The following HSD17B12 variants were observed in gnomAD, a reference collection of about 807,000 sequenced individuals.
The protein encoded by HSD17B12 is hydroxysteroid 17-beta dehydrogenase 12.
HSD17B12 carries 32 observed loss-of-function variants against 39.3 expected under a neutral mutation model. The ratio of observed to expected loss-of-function variants is 0.81; its 90% confidence interval spans 0.61 to 1.09. The LOEUF (loss-of-function observed/expected upper bound fraction) is 1.09, where lower values mean the gene tolerates loss of function less well. HSD17B12 is among the 50% of genes least tolerant of loss of function. The pLI, the probability that HSD17B12 is intolerant of heterozygous loss-of-function variation, is 0.00. For missense variants in HSD17B12, 342 were observed against 382.9 expected, an observed-to-expected ratio of 0.89 and a Z score of 0.89; for synonymous variants, 150 against 146.7, an observed-to-expected ratio of 1.02 and a Z score of -0.16.
At chr11:43,752,107 A>C (rs903273746) in intron 2 of HSD17B12, among the ~76,000 whole-genome samples, 1 of 152,080 alleles carries the variant, frequency 6.6e-6, no homozygotes, top group Non-Finnish European at 1.5e-5. Flanking sequence ...TAAGAATGCC[A>C]TTTTTGAAAA....
intron 7 of HSD17B12, among the ~76,000 whole-genome samples, chr11:43,837,111 TGA>T (rs763623307): frequency 3.3e-5 from 5 of 152,176 alleles, no homozygotes; most frequent in Non-Finnish European, 5.9e-5. Context: ...CACTTCCCTT[TGA>T]TGGTTGAAGT....
chr11:43,817,021 T>G (rs1330115204), intron 6 of HSD17B12, among the ~76,000 whole-genome samples: 7 of 24,646 alleles, frequency 2.8e-4, no homozygotes, highest in African/African-American at 8.2e-4. Context: ...TATATCTATA[T>G]CTATATCTAT....
intron 9 of HSD17B12, 41 bp downstream of exon 9, chr11:43,840,105 G>A: frequency 6.5e-7 from 1 of 1,538,300 alleles, no homozygotes; most frequent in Non-Finnish European, 8.9e-7. Flanking sequence ...CTGTTTTTGT[G>A]TGGTTTCCAG....
chr11:43,690,116 G>A (rs1031517582), intron 1 of HSD17B12, among the ~76,000 whole-genome samples: 7 of 151,146 alleles, frequency 4.6e-5, no homozygotes, highest in African/African-American at 1.5e-4. Context: ...ACTCACAGTC[G>A]TTTCTCCCTC....
chr11:43,823,906 T>C (rs1951207268), intron 6 of HSD17B12, among the ~76,000 whole-genome samples: 1 of 152,172 alleles, frequency 6.6e-6, no homozygotes, highest in Non-Finnish European at 1.5e-5. Flanking sequence ...AATGTCCTAA[T>C]CTTTGAATCT....
chr11:43,802,453 A>G (rs964710156), intron 4 of HSD17B12, among the ~76,000 whole-genome samples: 3 of 152,138 alleles, frequency 2.0e-5, no homozygotes, highest in African/African-American at 7.2e-5. Flanking sequence ...GCATATCTCA[A>G]TTCAGACTAG....
rs1046901731 is a variant in HSD17B12, at chr11:43,681,007, G to T, written c.160+20G>T. 9.6e-6 allele frequency: 15 copies of T among 1,569,364 alleles called. No individual in the cohort carries two copies. Among genetic ancestry groups the T allele is most frequent in the Non-Finnish European group, 1.2e-5 (14 of 1,154,780 alleles). ...GGGCAGGTGAGTCGGATGCAGCGCCGCGTCCTCGCTCCCGCGGCGGCCCGG... is the reference window on the plus strand; with the variant it reads ...GGGCAGGTGAGTCGGATGCAGCGCCTCGTCCTCGCTCCCGCGGCGGCCCGG... On this transcript the variant is annotated intron_variant, in intron 1 of 10. Coordinates refer to ENST00000278353, the MANE Select transcript of HSD17B12 (RefSeq NM_016142.3).
At chr11:43,599,106 C>T in the HSD17B12 span, among the ~76,000 whole-genome samples, 1 of 152,190 alleles carries the variant, frequency 6.6e-6, no homozygotes, top group African/African-American at 2.4e-5. Flanking sequence ...ATCTGCTCAA[C>T]GATCTATCCA....
chr11:43,574,804 G>C, the HSD17B12 span, among the ~76,000 whole-genome samples: 1 of 152,162 alleles, frequency 6.6e-6, no homozygotes, highest in Non-Finnish European at 1.5e-5. Flanking sequence ...AAGGGTAAAC[G>C]TCACCTCGCC....
intron 6 of HSD17B12, among the ~76,000 whole-genome samples, chr11:43,827,923 G>T (rs1295644661): frequency 6.6e-6 from 1 of 152,028 alleles, no homozygotes; most frequent in African/African-American, 2.4e-5. Flanking sequence ...TGGCTAGCTT[G>T]CATATAAAGT....
chr11:43,842,973 G>C (rs1246434270), intron 9 of HSD17B12, among the ~76,000 whole-genome samples: 1 of 152,146 alleles, frequency 6.6e-6, no homozygotes, highest in African/African-American at 2.4e-5. Flanking sequence ...TTTCCACCTA[G>C]TAATCTGGTG....
At chr11:43,560,019 A>T in the HSD17B12 span, among the ~76,000 whole-genome samples, 1 of 152,208 alleles carries the variant, frequency 6.6e-6, no homozygotes, top group Non-Finnish European at 1.5e-5. Context: ...TAGAATCGTC[A>T]TGGTGGTTTT....
At chr11:43,672,199 C>A in the HSD17B12 span, among the ~76,000 whole-genome samples, 1 of 152,304 alleles carries the variant, frequency 6.6e-6, no homozygotes, top group South Asian at 2.1e-4. Context: ...CAGGCGCCCG[C>A]CACCACGCCC....
the HSD17B12 span, among the ~76,000 whole-genome samples, chr11:43,612,623 C>A: frequency 2.6e-5 from 4 of 152,182 alleles, no homozygotes; most frequent in Non-Finnish European, 5.9e-5. Context: ...CCAGGCTGGT[C>A]TCTAACTCCT....
chr11:43,602,191 A>C, the HSD17B12 span, among the ~76,000 whole-genome samples: 1 of 152,180 alleles, frequency 6.6e-6, no homozygotes, highest in Non-Finnish European at 1.5e-5. Context: ...ACAGTTTAAA[A>C]TTTTTTATGG....
chr11:43,624,552 T>TA, the HSD17B12 span, among the ~76,000 whole-genome samples: 6 of 151,792 alleles, frequency 4.0e-5, no homozygotes, highest in African/African-American at 1.2e-4. Context: ...AAGAAATTGT[T>TA]ACCTGTGTAG....
chr11:43,593,484 T>C, the HSD17B12 span, among the ~76,000 whole-genome samples: 2 of 152,174 alleles, frequency 1.3e-5, no homozygotes, highest in Non-Finnish European at 2.9e-5. Flanking sequence ...AATCAAAATA[T>C]CTTTAAATAA....
At chr11:43,756,866 A>T (rs183245069) in intron 3 of HSD17B12, among the ~76,000 whole-genome samples, 2 of 152,230 alleles carry the variant, frequency 1.3e-5, no homozygotes. Flanking sequence ...GTGATTCTGG[A>T]GAAAGAGAGG....
At position 43,816,441 on chromosome 11, in the gene HSD17B12, C is replaced by G. The variant is rs778632802; in HGVS notation, c.501+50C>G. ...TCATCCTTTTTTGGTTCCTTCTATT[C>G]AAAAACACTGACATAATCAGCTTGT... On this transcript the variant is annotated intron_variant, in intron 6 of 10. Transcript: ENST00000278353. 37 of 1,458,618 alleles carry G rather than the reference C, an allele frequency of 2.5e-5. No homozygotes were observed. In the African/African-American group the frequency reaches 4.8e-4, roughly 19 times the overall value. The allele number at this position is 1,458,618 out of a possible 1,614,324, so 90.4% of individuals were successfully genotyped here.
Sources: gnomAD v4.1 joint callset for allele counts (sites outside exome capture counted in the v4.1 genomes callset) on GRCh38, gnomAD v4.1.1 for gene constraint, MANE v1.5 for transcripts, NCBI Gene and HGNC (gene_info 2026-07-23, HGNC 2026-07-21) for gene names.